LRRC4C: variants seen among roughly 807,000 people sequenced by gnomAD.
The protein encoded by LRRC4C is leucine-rich repeat-containing protein 4C.
A neutral mutation model predicts 33.6 loss-of-function variants in LRRC4C; 5 were observed. That is an observed-to-expected ratio of 0.15 (90% CI 0.08 to 0.31). LRRC4C has a LOEUF of 0.31. Among genes scored for constraint, LRRC4C ranks in the 10% least tolerant of loss-of-function variants. The probability of loss-of-function intolerance (pLI) is 1.00; values close to 1 mark genes in which losing one functional copy is unlikely to be tolerated. For synonymous variants in LRRC4C, 329 were observed against 302.0 expected (o/e 1.09, Z -0.93); for missense variants, 560 against 796.7 (o/e 0.70, Z 3.58).
In LRRC4C at chr11:40,587,639, A is replaced by T. The variant is rs1187290380; in HGVS notation, c.-270+60503T>A. On this transcript the variant is annotated intron_variant, in intron 3 of 6. Coordinates refer to ENST00000528697, the MANE Select transcript of LRRC4C (RefSeq NM_001258419.2). Reference sequence around the variant, plus strand: ...GTCATAGATAGCTCTTATTATTTTGAAATACGTCCCATCAATACCTAATTT... The same window carrying T: ...GTCATAGATAGCTCTTATTATTTTGTAATACGTCCCATCAATACCTAATTT... 2.3e-3 allele frequency among the ~76,000 whole-genome samples: 353 copies of T among 151,312 alleles called. 1 individual carries two copies. Among genetic ancestry groups the T allele is most frequent in the Non-Finnish European group, 4.3e-3 (290 of 67,866 alleles).
intron 2 of LRRC4C, among the ~76,000 whole-genome samples, chr11:40,930,505 A>G (rs1411579353): frequency 6.6e-6 from 1 of 152,110 alleles, no homozygotes; most frequent in African/African-American, 2.4e-5. Context: ...ACATGCAGAC[A>G]TGGTTTCAAG....
chr11:41,324,972 T>C (rs1180718749), intron 1 of LRRC4C, among the ~76,000 whole-genome samples: 2 of 152,240 alleles, frequency 1.3e-5, no homozygotes, highest in African/African-American at 4.8e-5. Flanking sequence ...AAATCATTTA[T>C]GTAGCTTAGA....
chr11:41,172,044 C>T (rs191227428), intron 1 of LRRC4C, among the ~76,000 whole-genome samples: 16 of 152,052 alleles, frequency 1.1e-4, no homozygotes, highest in Non-Finnish European at 1.9e-4. Flanking sequence ...AATGATGATC[C>T]AGCAACAGAG....
intron 3 of LRRC4C, among the ~76,000 whole-genome samples, chr11:40,333,998 A>G (rs1017315326): frequency 6.6e-6 from 1 of 152,196 alleles, no homozygotes; most frequent in Non-Finnish European, 1.5e-5. Context: ...TTTATCATAC[A>G]TCACTGTCTG....
At chr11:40,407,227 T>C (rs1949993915) in intron 3 of LRRC4C, among the ~76,000 whole-genome samples, 1 of 152,078 alleles carries the variant, frequency 6.6e-6, no homozygotes, top group Non-Finnish European at 1.5e-5. Context: ...AAGTCATAAA[T>C]GTTCAGGCCA....
chr11:40,610,142 G>A (rs747176662), intron 3 of LRRC4C, among the ~76,000 whole-genome samples: 1 of 151,764 alleles, frequency 6.6e-6, no homozygotes, highest in Non-Finnish European at 1.5e-5. Context: ...CAAAATACTA[G>A]CAAACCAAAT....
intron 4 of LRRC4C, among the ~76,000 whole-genome samples, chr11:40,279,196 G>A (rs1007813577): frequency 2.6e-5 from 4 of 152,052 alleles, no homozygotes; most frequent in South Asian, 2.1e-4. Context: ...GCTTAACCTC[G>A]CTAGACTTTT....
intron 2 of LRRC4C, among the ~76,000 whole-genome samples, chr11:40,889,441 T>C (rs1280838430): frequency 6.6e-6 from 1 of 150,978 alleles, no homozygotes; most frequent in Non-Finnish European, 1.5e-5. Context: ...GTTTATGTGA[T>C]TTTTTCTTTT....
rs138684239 is a variant in LRRC4C, at chr11:40,290,055, T to C, written c.-176+29573A>G. 1.9e-3 allele frequency among the ~76,000 whole-genome samples: 293 copies of C among 152,282 alleles called. 1 individual carries two copies. The highest frequency in any genetic ancestry group is 6.2e-3 in the African/African-American group (258 of 41,546). On this transcript the variant is annotated intron_variant, in intron 4 of 6. Transcript: ENST00000528697. ...TGTCAACAAAAGATATATATATATA[T>C]GTAGAAAATAAAATCTCCTCCAATT...
intron 1 of LRRC4C, among the ~76,000 whole-genome samples, chr11:41,398,002 C>T (rs899102605): frequency 6.6e-6 from 1 of 151,930 alleles, no homozygotes; most frequent in Non-Finnish European, 1.5e-5. Flanking sequence ...CTAATGCCTC[C>T]ATGCCTCATC....
chr11:40,551,552 T>C (rs776810664), intron 3 of LRRC4C, among the ~76,000 whole-genome samples: 5 of 152,164 alleles, frequency 3.3e-5, no homozygotes, highest in African/African-American at 7.2e-5. Context: ...CTAATTCCCA[T>C]TCCACTTTTC....
At chr11:40,446,764 G>C (rs1951654378) in intron 3 of LRRC4C, 1 of 152,138 alleles carries the variant, frequency 6.6e-6, no homozygotes, top group Admixed American at 6.6e-5. Context: ...ATGACCAAAG[G>C]AAGAACTTGC....
intron 3 of LRRC4C, among the ~76,000 whole-genome samples, chr11:40,413,141 G>A (rs1274223273): frequency 6.6e-6 from 1 of 151,954 alleles, no homozygotes; most frequent in Non-Finnish European, 1.5e-5. Context: ...ACGACTAACA[G>A]AATCATAAAT....
intron 1 of LRRC4C, among the ~76,000 whole-genome samples, chr11:41,019,111 G>A (rs1855783303): frequency 6.6e-6 from 1 of 152,134 alleles, no homozygotes; most frequent in Non-Finnish European, 1.5e-5. Flanking sequence ...TTGTTACACA[G>A]GTATATATGT....
chr11:41,218,580 A>G (rs1430285164), intron 1 of LRRC4C, among the ~76,000 whole-genome samples: 2 of 152,176 alleles, frequency 1.3e-5, no homozygotes, highest in African/African-American at 4.8e-5. Context: ...TGTGAAAATT[A>G]TCTTCAAAAA....
At chr11:40,868,645 C>T (rs759651312) in intron 2 of LRRC4C, among the ~76,000 whole-genome samples, 2 of 152,156 alleles carry the variant, frequency 1.3e-5, no homozygotes, top group Non-Finnish European at 2.9e-5. Context: ...AGCAGAGCCA[C>T]TTCCCTTGTT....
chr11:40,149,797 A>G (rs185637719), intron 5 of LRRC4C, among the ~76,000 whole-genome samples: 5 of 152,332 alleles, frequency 3.3e-5, no homozygotes, highest in African/African-American at 1.2e-4. Context: ...TCAATTTTTA[A>G]GGAGAATGTT....
intron 6 of LRRC4C, among the ~76,000 whole-genome samples, chr11:40,119,990 A>G (rs1477055075): frequency 6.6e-6 from 1 of 152,028 alleles, no homozygotes; most frequent in Non-Finnish European, 1.5e-5. Flanking sequence ...TCATAAGACC[A>G]TTTACCCTGC....
At chr11:40,580,380 C>A (rs757642306) in intron 3 of LRRC4C, among the ~76,000 whole-genome samples, 5 of 151,960 alleles carry the variant, frequency 3.3e-5, no homozygotes, top group Non-Finnish European at 5.9e-5. Flanking sequence ...TAACAGCATG[C>A]GGGAAACTGT....
Sources: allele counts gnomAD v4.1 joint callset (sites outside exome capture counted in the v4.1 genomes callset), GRCh38; gene constraint gnomAD v4.1.1; transcripts MANE v1.5; gene names NCBI Gene and HGNC (gene_info 2026-07-23, HGNC 2026-07-21).